Variants in DLG1 observed in about 807,000 individuals in gnomAD.
The protein encoded by DLG1 is discs large MAGUK scaffold protein 1, also known as disks large homolog 1.
DLG1 carries 42 observed loss-of-function variants against 123.4 expected under a neutral mutation model. The observed-to-expected ratio is 0.34, with a 90% CI of 0.27 to 0.44. The LOEUF (loss-of-function observed/expected upper bound fraction) is 0.44, where lower values mean the gene tolerates loss of function less well. Ranked by LOEUF, DLG1 falls within the 20% of genes least tolerant of loss-of-function variation. The pLI, the probability that DLG1 is intolerant of heterozygous loss-of-function variation, is 1.00. For synonymous variants in DLG1, 317 were observed against 356.2 expected (o/e 0.89, Z 1.24); for missense variants, 942 against 1,082.6 (o/e 0.87, Z 1.82).
chr3:197,138,869 C>A (rs1786443942), intron 8 of DLG1, among the ~76,000 whole-genome samples: 1 of 151,968 alleles, frequency 6.6e-6, no homozygotes, highest in African/African-American at 2.4e-5. Flanking sequence ...CTAAGGCCAC[C>A]CAGATAATAA....
intron 4 of DLG1, among the ~76,000 whole-genome samples, chr3:197,255,644 G>C (rs1199370469): frequency 6.6e-6 from 1 of 152,096 alleles, no homozygotes; most frequent in East Asian, 1.9e-4. Context: ...ATATTACACA[G>C]CAATAAAAAG....
At chr3:197,154,082 C>G (rs1419612112) in intron 5 of DLG1, among the ~76,000 whole-genome samples, 1 of 151,864 alleles carries the variant, frequency 6.6e-6, no homozygotes, top group Non-Finnish European at 1.5e-5. Context: ...GCGGGCAGAT[C>G]ACAAGGTCAG....
chr3:197,196,429 G>A (rs1358336788), intron 4 of DLG1, among the ~76,000 whole-genome samples: 3 of 152,098 alleles, frequency 2.0e-5, no homozygotes, highest in Admixed American at 1.3e-4. Flanking sequence ...CAAGGCTGAC[G>A]TTAACATAAA....
At chr3:197,109,849 G>A (rs758801209) in intron 13 of DLG1, among the ~76,000 whole-genome samples, 20 of 152,178 alleles carry the variant, frequency 1.3e-4, no homozygotes, top group Non-Finnish European at 2.8e-4. Context: ...CATGGTTTCT[G>A]ATGAGAAATC....
chr3:197,081,550 A>G (rs1751125616), intron 16 of DLG1, among the ~76,000 whole-genome samples: 1 of 152,210 alleles, frequency 6.6e-6, no homozygotes, highest in Non-Finnish European at 1.5e-5. Context: ...GTGGACGTTC[A>G]CTGTATATTG....
intron 3 of DLG1, among the ~76,000 whole-genome samples, chr3:197,288,743 A>AAAAAAAAAAAAAACATACATAC (rs1553827364): frequency 1.4e-5 from 1 of 72,078 alleles, no homozygotes; most frequent in Non-Finnish European, 2.4e-5. Context: ...AAAAAAAAAA[A>AAAAAAAAAAAAAACATACATAC]ATACATACAT....
intron 16 of DLG1, among the ~76,000 whole-genome samples, chr3:197,083,909 G>A (rs998551027): frequency 3.3e-5 from 5 of 152,104 alleles, no homozygotes; most frequent in African/African-American, 1.2e-4. Context: ...AGGAGTCTGA[G>A]GTTCAGTGGG....
intron 17 of DLG1, among the ~76,000 whole-genome samples, chr3:197,079,742 A>G (rs1210662015): frequency 1.3e-5 from 2 of 152,188 alleles, no homozygotes; most frequent in Non-Finnish European, 2.9e-5. Flanking sequence ...ATTGCTTCAG[A>G]TCACACTATA....
intron 4 of DLG1, among the ~76,000 whole-genome samples, chr3:197,206,798 T>A (rs1455969050): frequency 6.6e-6 from 1 of 150,924 alleles, no homozygotes. Context: ...TGATGGTAAA[T>A]CCAGAAAATC....
intron 15 of DLG1, among the ~76,000 whole-genome samples, chr3:197,087,774 T>A (rs192389842): frequency 2.4e-4 from 37 of 152,290 alleles, no homozygotes; most frequent in South Asian, 8.3e-4. Context: ...AAATTAGAAG[T>A]GTACAGTAGT....
intron 19 of DLG1, chr3:197,068,542 C>T (rs767282802): frequency 6.4e-7 from 1 of 1,569,826 alleles, no homozygotes; most frequent in Non-Finnish European, 8.6e-7. Context: ...AGATTACTTT[C>T]ATATTAGACA....
At chr3:197,054,793 T>C (rs1473851818) in intron 23 of DLG1, among the ~76,000 whole-genome samples, 3 of 151,966 alleles carry the variant, frequency 2.0e-5, no homozygotes, top group Non-Finnish European at 2.9e-5. Flanking sequence ...CACAGGCTCG[T>C]GCCACCATGG....
chr3:197,142,708 T>C lies in DLG1; in HGVS notation c.588+10A>G. 3.8e-6 allele frequency: 6 copies of C among 1,591,752 alleles called. No homozygotes were observed. The highest frequency in any genetic ancestry group is 1.2e-5 in the South Asian group (1 of 86,878). On this transcript the variant is annotated intron_variant, in intron 7 of 24. Coordinates refer to ENST00000667157, the MANE Select transcript of DLG1 (RefSeq NM_001366207.1). ...TCTCTAGAACAACAGATTAAGATAA[T>C]AGTTTTTACCCTTTCAAGTGTGATT...
chr3:197,249,559 T>C (rs1437957791), intron 4 of DLG1, among the ~76,000 whole-genome samples: 1 of 152,122 alleles, frequency 6.6e-6, no homozygotes, highest in Non-Finnish European at 1.5e-5. Flanking sequence ...TGGAATTCAT[T>C]CTACAAGGCC....
intron 14 of DLG1, among the ~76,000 whole-genome samples, chr3:197,096,647 A>G (rs927044655): frequency 6.6e-6 from 1 of 152,222 alleles, no homozygotes; most frequent in African/African-American, 2.4e-5. Flanking sequence ...TTAAGGAAGT[A>G]TGTCTCTTTT....
intron 1 of DLG1, chr3:197,297,724 C>A: frequency 3.0e-6 from 3 of 986,696 alleles, no homozygotes; most frequent in South Asian, 9.3e-5. Flanking sequence ...CCGGACAGGG[C>A]AGCGGCCGCT....
At chr3:197,134,677 A>T (rs557767046) in intron 10 of DLG1, among the ~76,000 whole-genome samples, 1 of 152,262 alleles carries the variant, frequency 6.6e-6, no homozygotes, top group South Asian at 2.1e-4. Context: ...CAGTTTTCTG[A>T]GCCTCTTCTG....
rs950023199 is a variant in DLG1, at chr3:197,130,742, A to G, written c.1021-71T>C. 8 of 1,264,476 alleles carry G rather than the reference A, an allele frequency of 6.3e-6. No individual in the cohort carries two copies. The Admixed American group carries it at 1.7e-4, about 28-fold the overall frequency. 78.3% of individuals were successfully genotyped at this position (1,264,476 alleles called of 1,614,324 possible). A position where few individuals can be genotyped will look rare whatever the true frequency, so the allele number is the denominator to read the frequency against. ...CTGAGTTTTGGAAACAATTTCACGA[A>G]AAGAAAGGGAAAATAAGAGAGTGGT... On this transcript the variant is annotated intron_variant, in intron 10 of 24. Transcript: ENST00000667157.
At position 197,194,494 on chromosome 3, in the gene DLG1, T is replaced by C. The variant is rs1181564936; in HGVS notation, c.414A>G (p.Ser138=). 1.2e-6 allele frequency: 2 copies of C among 1,606,078 alleles called. No individual in the cohort carries two copies. Among genetic ancestry groups the C allele is most frequent in the East Asian group, 2.2e-5 (1 of 44,566 alleles). The part of the protein sequence containing the change: ...EVIGPELVHV[S]EKNLSEIENV... ...TCTCAATCTCTGATAAGTTCTTCTC[T>C]GAGACATGAACCAATTCTGGACCTA... The change falls in exon 5 of 25, where the codon TCA becomes TCG. Residue 138 remains serine (S), a synonymous_variant. Transcript: ENST00000667157.
Sources: gnomAD v4.1 joint callset for allele counts (sites outside exome capture counted in the v4.1 genomes callset) on GRCh38, gnomAD v4.1.1 for gene constraint, MANE v1.5 for transcripts, NCBI Gene and HGNC (gene_info 2026-07-23, HGNC 2026-07-21) for gene names.